Variants in NFIC observed in about 807,000 individuals in gnomAD.
The protein encoded by NFIC is nuclear factor 1 C-type.
Under a neutral mutation model 54.4 loss-of-function variants are expected in NFIC, and 12 were observed. The observed-to-expected ratio is 0.22, with a 90% CI of 0.14 to 0.36. The LOEUF is 0.36. Among genes scored for constraint, NFIC ranks in the 10% least tolerant of loss-of-function variants. NFIC has a pLI of 1.00. For synonymous variants in NFIC, 322 were observed against 319.2 expected (o/e 1.01, Z -0.09); for missense variants, 575 against 718.2 (o/e 0.80, Z 2.28).
At chr19:3,451,632 TAAA>T (rs542068323) in intron 7 of NFIC, among the ~76,000 whole-genome samples, 1 of 131,496 alleles carries the variant, frequency 7.6e-6, no homozygotes. Flanking sequence ...TTCTATCTCT[TAAA>T]AAAAAAAAAA....
intron 1 of NFIC, among the ~76,000 whole-genome samples, chr19:3,361,081 C>T (rs933773602): frequency 3.3e-5 from 5 of 152,226 alleles, no homozygotes; most frequent in African/African-American, 1.2e-4. Flanking sequence ...CTTTCCCCTA[C>T]GTCCCCTCCA....
chr19:3,363,271 T>G (rs1041423230), upstream of NFIC, among the ~76,000 whole-genome samples: 2 of 31,484 alleles, frequency 6.4e-5, no homozygotes, highest in Non-Finnish European at 1.3e-4. Flanking sequence ...ATATATATAT[T>G]TTTTTTTTTT....
At chr19:3,441,491 G>C (rs2145651668) in intron 6 of NFIC, among the ~76,000 whole-genome samples, 1 of 152,378 alleles carries the variant, frequency 6.6e-6, no homozygotes, top group East Asian at 1.9e-4. Context: ...AGTGCTTCCT[G>C]GGCCTCTCCC....
intron 3 of NFIC, among the ~76,000 whole-genome samples, chr19:3,431,071 T>C (rs1197849916): frequency 1.3e-5 from 2 of 152,102 alleles, no homozygotes; most frequent in Non-Finnish European, 2.9e-5. Flanking sequence ...CTCGTTCTTT[T>C]ATTTTTATTT....
At chr19:3,425,218 C>T in intron 3 of NFIC, 41 bp downstream of exon 3, 1 of 1,567,168 alleles carries the variant, frequency 6.4e-7, no homozygotes, top group Non-Finnish European at 8.6e-7. Flanking sequence ...GCGGAGGGCG[C>T]AGCCCTGTCC....
rs560251414 is a variant in NFIC, at chr19:3,396,696, C to G, written c.562+14453C>G. ...CAGGGCCGAGCACGGCGGCTCACAC[C>G]TGTAATCCCAGCACTTGCAGAGGCC... On this transcript the variant is annotated intron_variant, in intron 2 of 10. Transcript: ENST00000443272. Among the ~76,000 whole-genome samples the G allele has an allele frequency of 2.9e-3, 435 of 152,330 alleles. 3 individuals are homozygous for G. Among genetic ancestry groups the G allele is most frequent in the African/African-American group, 9.9e-3 (412 of 41,576 alleles).
At chr19:3,444,108 CAA>C (rs879281362) in intron 6 of NFIC, among the ~76,000 whole-genome samples, 2,741 of 131,936 alleles carry the variant, frequency 0.021, 130 homozygotes, top group African/African-American at 0.048. Flanking sequence ...TTGTCAAATA[CAA>C]AGAGGAGGTC....
chr19:3,367,283 C>T (rs918816334), intron 1 of NFIC, among the ~76,000 whole-genome samples: 2 of 152,100 alleles, frequency 1.3e-5, no homozygotes, highest in African/African-American at 4.8e-5. Flanking sequence ...GGTGCTCCGG[C>T]GGCCCGGCTG....
At chr19:3,404,619 G>A (rs1255586618) in intron 2 of NFIC, among the ~76,000 whole-genome samples, 1 of 152,138 alleles carries the variant, frequency 6.6e-6, no homozygotes, top group Non-Finnish European at 1.5e-5. Flanking sequence ...CAGGAGGGCA[G>A]GGCCGGGTGC....
intron 1 of NFIC, among the ~76,000 whole-genome samples, chr19:3,378,850 G>T (rs990081556): frequency 6.6e-6 from 1 of 152,096 alleles, no homozygotes; most frequent in African/African-American, 2.4e-5. Flanking sequence ...ATGGAAAGGG[G>T]AAAGGAGGGA....
chr19:3,385,570 G>GTTTTTT (rs1393908554), intron 2 of NFIC, among the ~76,000 whole-genome samples: 1 of 135,606 alleles, frequency 7.4e-6, no homozygotes, highest in East Asian at 2.2e-4. Context: ...TTTGGTTGTT[G>GTTTTTT]TTGTTTTTTT....
At chr19:3,441,990 C>T (rs943899496) in intron 6 of NFIC, among the ~76,000 whole-genome samples, 2 of 152,210 alleles carry the variant, frequency 1.3e-5, no homozygotes, top group Admixed American at 6.5e-5. Context: ...CTTCCTCTGG[C>T]GGACTCGGGG....
Position 3,435,152 on chromosome 19 carries a change from T to C in NFIC, c.903T>C (p.Thr301=). Residue 301 remains threonine, a synonymous_variant, in exon 6 of 11, where the codon ACT becomes ACC. Coordinates refer to ENST00000443272, the MANE Select transcript of NFIC (RefSeq NM_001245002.2). Reference sequence around the variant, plus strand: ...CGAGCCCTGGCGGCGATTACTACACTTCGCCCAGCTCGCCCACGAGTAGCA... The same window carrying C: ...CGAGCCCTGGCGGCGATTACTACACCTCGCCCAGCTCGCCCACGAGTAGCA... The part of the protein sequence containing the change: ...VDTSPGGDYY[T]SPSSPTSSSR... 1 of 1,605,358 alleles carries C rather than the reference T, an allele frequency of 6.2e-7. No homozygotes were observed. The highest frequency in any genetic ancestry group is 1.3e-5 in the African/African-American group (1 of 75,000).
chr19:3,418,294 G>A (rs371709165), intron 2 of NFIC, among the ~76,000 whole-genome samples: 11 of 151,860 alleles, frequency 7.2e-5, no homozygotes, highest in South Asian at 4.2e-4. Flanking sequence ...ACGGGGTCTC[G>A]CCATGGTGCC....
intron 6 of NFIC, among the ~76,000 whole-genome samples, chr19:3,445,133 G>A (rs1320026226): frequency 1.3e-5 from 2 of 151,560 alleles, no homozygotes; most frequent in Non-Finnish European, 1.5e-5. Context: ...ATGCACACAT[G>A]CATGCAGCTG....
At chr19:3,401,969 G>T (rs992543344) in intron 2 of NFIC, among the ~76,000 whole-genome samples, 2 of 151,982 alleles carry the variant, frequency 1.3e-5, no homozygotes, top group African/African-American at 4.8e-5. Flanking sequence ...TGATCCAACC[G>T]CCTCGACCTC....
intron 2 of NFIC, among the ~76,000 whole-genome samples, chr19:3,403,537 C>A (rs1041036721): frequency 6.6e-6 from 1 of 152,198 alleles, no homozygotes; most frequent in Admixed American, 6.5e-5. Context: ...AGTCTATTCT[C>A]CTGACCCCAC....
intron 1 of NFIC, among the ~76,000 whole-genome samples, chr19:3,380,580 C>T (rs1013959710): frequency 2.1e-5 from 3 of 145,498 alleles, no homozygotes; most frequent in Non-Finnish European, 4.5e-5. Flanking sequence ...CCACCTGCTT[C>T]GGTCTCCCAA....
rs1002592550 is a variant in NFIC, at chr19:3,433,643, G to T, written c.709+51G>T. On this transcript the variant is annotated intron_variant, in intron 4 of 10. Transcript: ENST00000443272. ...TGGGTCTTGGAGAGGGGAGGGGGCC[G>T]CAGGGAGGAAGGAGCCCACCCCCCT... 3.8e-6 allele frequency: 6 copies of T among 1,582,980 alleles called. No homozygotes were observed. The African/African-American group carries it at 8.1e-5, about 21-fold the overall frequency.
Sources: allele counts gnomAD v4.1 joint callset (sites outside exome capture counted in the v4.1 genomes callset), GRCh38; gene constraint gnomAD v4.1.1; transcripts MANE v1.5; gene names NCBI Gene and HGNC (gene_info 2026-07-23, HGNC 2026-07-21).